The following CRTC3 variants were observed in gnomAD, a reference collection of about 807,000 sequenced individuals.
The protein encoded by CRTC3 is CREB-regulated transcription coactivator 3.
In CRTC3, 26 loss-of-function variants were observed where a neutral mutation model predicts 74.5. The observed-to-expected ratio is 0.35, with a 90% CI of 0.26 to 0.48. The LOEUF is 0.48. Among genes scored for constraint, CRTC3 ranks in the 20% least tolerant of loss-of-function variants. CRTC3 has a pLI of 0.99. For missense variants in CRTC3, 760 were observed against 787.3 expected (o/e 0.97, Z 0.41); for synonymous variants, 377 against 325.8 (o/e 1.16, Z -1.69).
At chr15:90,596,428 C>G (rs551616258) in intron 3 of CRTC3, 1 of 152,098 alleles carries the variant, frequency 6.6e-6, no homozygotes, top group African/African-American at 2.4e-5. Context: ...AGAGCATAAG[C>G]AAAGCTAGTC....
At chr15:90,596,774 G>A (rs1967936956) in intron 3 of CRTC3, among the ~76,000 whole-genome samples, 2 of 152,156 alleles carry the variant, frequency 1.3e-5, no homozygotes, top group Admixed American at 1.3e-4. Context: ...TTGAACATTT[G>A]TCTATGACTT....
At chr15:90,537,322 T>A (rs552993157) in intron 1 of CRTC3, among the ~76,000 whole-genome samples, 1 of 152,344 alleles carries the variant, frequency 6.6e-6, no homozygotes, top group Admixed American at 6.5e-5. Flanking sequence ...GCAGGAGGCG[T>A]CAGAGTTGTT....
At chr15:90,555,961 C>T (rs1966885271) in intron 2 of CRTC3, among the ~76,000 whole-genome samples, 1 of 151,972 alleles carries the variant, frequency 6.6e-6, no homozygotes, top group African/African-American at 2.4e-5. Flanking sequence ...AATATGTAAA[C>T]ATTAAAAAGG....
chr15:90,609,665 A>C (rs1042590203), intron 6 of CRTC3, among the ~76,000 whole-genome samples: 2 of 152,262 alleles, frequency 1.3e-5, no homozygotes, highest in African/African-American at 4.8e-5. Context: ...AACTGAAGAA[A>C]GAAATTACCT....
chr15:90,602,410 T>A, intron 4 of CRTC3, 25 bp downstream of exon 4: 1 of 1,273,014 alleles, frequency 7.9e-7, no homozygotes, highest in Non-Finnish European at 1.1e-6. Context: ...CTTTAAAAGA[T>A]ATGATGGGCA....
chr15:90,583,717 G>A (rs1967595529), intron 2 of CRTC3, among the ~76,000 whole-genome samples: 1 of 152,162 alleles, frequency 6.6e-6, no homozygotes, highest in South Asian at 2.1e-4. Context: ...CTGCCTGCTG[G>A]CATACCTAAG....
At chr15:90,555,952 A>G (rs1966885133) in intron 2 of CRTC3, among the ~76,000 whole-genome samples, 3 of 152,286 alleles carry the variant, frequency 2.0e-5, no homozygotes, top group South Asian at 4.1e-4. Context: ...AATTTGGAAA[A>G]TATGTAAACA....
At chr15:90,545,771 G>T (rs529991350) in intron 2 of CRTC3, among the ~76,000 whole-genome samples, 39 of 152,140 alleles carry the variant, frequency 2.6e-4, no homozygotes, top group African/African-American at 5.8e-4. Flanking sequence ...GTAGAGACGG[G>T]GTTTCACTGT....
chr15:90,550,662 A>C (rs955647298), intron 2 of CRTC3, among the ~76,000 whole-genome samples: 2 of 152,000 alleles, frequency 1.3e-5, no homozygotes, highest in Non-Finnish European at 2.9e-5. Context: ...TTCTGTGTGC[A>C]TATTTGCATG....
chr15:90,618,062 TG>T, intron 8 of CRTC3, 94 bp downstream of exon 8: 1 of 767,672 alleles, frequency 1.3e-6, no homozygotes, highest in East Asian at 2.6e-5. Context: ...CAAGAGGAAC[TG>T]GGGGAAAAGG....
chr15:90,604,565 T>C (rs1288262898), intron 5 of CRTC3, 118 bp downstream of exon 5: 1 of 805,762 alleles, frequency 1.2e-6, no homozygotes, highest in Admixed American at 2.2e-5. Flanking sequence ...ATATGACATG[T>C]TCAAAACAAA....
At chr15:90,618,146 T>C (rs1386376058) in intron 8 of CRTC3, 178 bp downstream of exon 8, 1 of 429,280 alleles carries the variant, frequency 2.3e-6, no homozygotes, top group African/African-American at 2.0e-5. Flanking sequence ...ATCGCGCTTG[T>C]GTCAATGAAT....
chr15:90,618,124 C>A, intron 8 of CRTC3, 156 bp downstream of exon 8: 4 of 409,606 alleles, frequency 9.8e-6, no homozygotes, highest in Non-Finnish European at 1.3e-5. Flanking sequence ...AAGGACGTTT[C>A]AAGTAAAAAT....
chr15:90,562,673 A>T (rs1967037507), intron 2 of CRTC3, among the ~76,000 whole-genome samples: 1 of 152,058 alleles, frequency 6.6e-6, no homozygotes. Flanking sequence ...TTTTAGTCCA[A>T]ATCAAACTTT....
Position 90,645,130 on chromosome 15 carries a change from G to A in CRTC3, c.*2990G>A, listed in dbSNP as rs1190055836. On this transcript the variant is annotated 3_prime_UTR_variant, in exon 15 of 15. Transcript: ENST00000268184. The stretch of plus-strand genomic sequence containing the variant: ...TGTTCCCACTCTTGTTGGCTCTTCT[G>A]ATTTATGCACAGATGGTTCCCAGCA... The A allele has an allele frequency of 5.7e-5, 13 of 229,816 alleles. No individual in the cohort carries two copies. The highest frequency in any genetic ancestry group is 9.5e-5 in the Non-Finnish European group (11 of 115,850). The allele number at this position is 229,816 out of a possible 1,614,324, so 14.2% of individuals were successfully genotyped here.
chr15:90,535,946 G>A (rs1022265339), intron 1 of CRTC3, among the ~76,000 whole-genome samples: 1 of 152,190 alleles, frequency 6.6e-6, no homozygotes, highest in Non-Finnish European at 1.5e-5. Context: ...CTATCACAGT[G>A]AATGTCTGTA....
intron 10 of CRTC3, among the ~76,000 whole-genome samples, chr15:90,627,791 T>G (rs1968891420): frequency 6.7e-6 from 1 of 150,064 alleles, no homozygotes; most frequent in Non-Finnish European, 1.5e-5. Flanking sequence ...CCGGCTAATT[T>G]TTTTAGTAGA....
At chr15:90,532,906 G>A (rs563956690) in intron 1 of CRTC3, among the ~76,000 whole-genome samples, 19 of 150,884 alleles carry the variant, frequency 1.3e-4, no homozygotes, top group Admixed American at 5.3e-4. Context: ...CCAACATGGC[G>A]AAACCCCGTT....
intron 2 of CRTC3, among the ~76,000 whole-genome samples, chr15:90,550,180 G>A (rs1440364096): frequency 2.0e-5 from 3 of 151,492 alleles, no homozygotes; most frequent in Non-Finnish European, 4.4e-5. Flanking sequence ...TGTAATCCCA[G>A]CACTTTGGGA....
Sources: allele counts gnomAD v4.1 joint callset (sites outside exome capture counted in the v4.1 genomes callset), GRCh38; gene constraint gnomAD v4.1.1; transcripts MANE v1.5; gene names NCBI Gene and HGNC (gene_info 2026-07-23, HGNC 2026-07-21).